The following DYM variants were observed in gnomAD, a reference collection of about 807,000 sequenced individuals.
DYM encodes the protein dyggve-Melchior-Clausen syndrome protein.
Under a neutral mutation model 93.1 loss-of-function variants are expected in DYM, and 78 were observed. The ratio of observed to expected loss-of-function variants is 0.84; its 90% confidence interval spans 0.70 to 1.01. DYM has a LOEUF of 1.01. Ranked by LOEUF, DYM falls within the 50% of genes least tolerant of loss-of-function variation. The pLI is 0.00. For synonymous variants in DYM, 321 were observed against 319.7 expected (o/e 1.00, Z -0.04); for missense variants, 789 against 845.0 (o/e 0.93, Z 0.82).
chr18:49,318,958 G>T lies in DYM; in HGVS notation c.763+12906C>A, dbSNP rs190586803. Reference sequence around the variant, plus strand: ...TAGGATTACAGGCACCTGCCACCACGCCCAACTAATTTTTTTTTTTGTATT... The same window carrying T: ...TAGGATTACAGGCACCTGCCACCACTCCCAACTAATTTTTTTTTTTGTATT... On this transcript the variant is annotated intron_variant, in intron 8 of 17. Coordinates refer to ENST00000675505, the MANE Select transcript of DYM (RefSeq NM_001353214.3). Among the ~76,000 whole-genome samples, 13 of 151,080 alleles carry T rather than the reference G, an allele frequency of 8.6e-5. No individual in the cohort carries two copies. In the East Asian group the frequency reaches 2.6e-3, roughly 30 times the overall value.
chr18:49,336,320 T>C (rs2063673762), intron 6 of DYM, among the ~76,000 whole-genome samples: 1 of 152,156 alleles, frequency 6.6e-6, no homozygotes, highest in East Asian at 1.9e-4. Context: ...AGTGTTCTTC[T>C]CCTTCAAAAT....
chr18:49,221,109 A>G (rs572527441), intron 13 of DYM, among the ~76,000 whole-genome samples: 1 of 152,348 alleles, frequency 6.6e-6, no homozygotes, highest in Non-Finnish European at 1.5e-5. Context: ...ATGAACAGAC[A>G]CTTCTCAAAA....
At chr18:49,339,276 CAG>C (rs2063904889) in intron 6 of DYM, among the ~76,000 whole-genome samples, 1 of 152,218 alleles carries the variant, frequency 6.6e-6, no homozygotes, top group African/African-American at 2.4e-5. Flanking sequence ...GAAAAATCCA[CAG>C]AGATATGTCT....
chr18:49,284,645 G>A (rs995584358), intron 9 of DYM, among the ~76,000 whole-genome samples: 2 of 152,092 alleles, frequency 1.3e-5, no homozygotes, highest in Non-Finnish European at 2.9e-5. Context: ...TAAGCAAACT[G>A]TCAAAGGTCT....
chr18:49,123,776 G>C (rs2082577412), intron 15 of DYM, among the ~76,000 whole-genome samples: 1 of 152,174 alleles, frequency 6.6e-6, no homozygotes, highest in Non-Finnish European at 1.5e-5. Context: ...AGATAATCTT[G>C]ACCAGAAGTC....
At chr18:49,406,719 C>T (rs891061684) in intron 2 of DYM, among the ~76,000 whole-genome samples, 1 of 152,180 alleles carries the variant, frequency 6.6e-6, no homozygotes, top group Non-Finnish European at 1.5e-5. Flanking sequence ...GGCAGATAAA[C>T]TGGCTCTCTC....
intron 8 of DYM, among the ~76,000 whole-genome samples, chr18:49,323,002 C>T (rs548219251): frequency 6.6e-6 from 1 of 152,272 alleles, no homozygotes; most frequent in African/African-American, 2.4e-5. Flanking sequence ...CAAACATCTA[C>T]AGTCCAGTAC....
At chr18:49,217,131 A>G (rs1332409939) in intron 13 of DYM, among the ~76,000 whole-genome samples, 3 of 152,258 alleles carry the variant, frequency 2.0e-5, no homozygotes, top group African/African-American at 7.2e-5. Context: ...AGCCAATGCG[A>G]TCAACTGGAA....
intron 13 of DYM, among the ~76,000 whole-genome samples, chr18:49,243,471 C>G (rs2094083684): frequency 6.6e-6 from 1 of 151,940 alleles, no homozygotes; most frequent in African/African-American, 2.4e-5. Flanking sequence ...TCGAGACCAG[C>G]CTGGCCAACA....
In DYM at chr18:49,282,176, C is replaced by A. The variant is rs1218722133; in HGVS notation, c.947-1G>T. 1 of 1,613,458 alleles carries A rather than the reference C, an allele frequency of 6.2e-7. No homozygotes were observed. The highest frequency in any genetic ancestry group is 1.1e-5 in the South Asian group (1 of 91,062). ...ATTGATGAGGGGAAAGGACTGCTAT[C>A]TGGAATACAGAAAACAGCACATCAG... is the stretch of plus-strand genomic sequence containing the variant. On this transcript the variant is annotated splice_acceptor_variant, in intron 9 of 17. Transcript: ENST00000675505. LOFTEE classifies it high-confidence loss of function.
At chr18:49,264,036 C>T (rs1466040537) in intron 11 of DYM, among the ~76,000 whole-genome samples, 2 of 150,798 alleles carry the variant, frequency 1.3e-5, no homozygotes, top group African/African-American at 4.9e-5. Context: ...GAAGCCTCCT[C>T]ATTGTTCTAC....
In DYM at chr18:49,317,551, T is replaced by TTCTCTCTCTCTCTC. The variant is rs796373730; in HGVS notation, c.763+14299_763+14312dup. On this transcript the variant is annotated intron_variant, in intron 8 of 17. Transcript: ENST00000675505. ...TGCCCTAGTCCTTAGCCATCTAGAT[T>TTCTCTCTCTCTCTC]TCTCTCTCTCTCTCTCTCTCTCTCT... 4.1e-4 allele frequency among the ~76,000 whole-genome samples: 12 copies of TTCTCTCTCTCTCTC among 29,360 alleles called. 2 individuals carry two copies. The highest frequency in any genetic ancestry group is 7.1e-4 in the African/African-American group (5 of 7,072). The allele number at this position is 29,360 out of a possible 152,430, so 19.3% of individuals were successfully genotyped here.
intron 17 of DYM, among the ~76,000 whole-genome samples, chr18:49,082,195 G>A (rs544437349): frequency 8.5e-5 from 13 of 152,330 alleles, no homozygotes; most frequent in South Asian, 4.1e-4. Context: ...ACCATGCCAC[G>A]AACTACATGG....
At chr18:49,176,148 C>A (rs2089344552) in intron 14 of DYM, among the ~76,000 whole-genome samples, 1 of 151,870 alleles carries the variant, frequency 6.6e-6, no homozygotes, top group African/African-American at 2.4e-5. Flanking sequence ...TAACTAAAGT[C>A]AAAATGTGGA....
At chr18:49,138,923 C>A (rs115956992) in intron 15 of DYM, among the ~76,000 whole-genome samples, 175 of 152,086 alleles carry the variant, frequency 1.2e-3, no homozygotes, top group African/African-American at 4.0e-3. Flanking sequence ...AGGAGTAATA[C>A]CAGAAATAGG....
At chr18:49,327,301 G>C (rs2146721400) in intron 8 of DYM, among the ~76,000 whole-genome samples, 1 of 151,946 alleles carries the variant, frequency 6.6e-6, no homozygotes, top group East Asian at 1.9e-4. Flanking sequence ...AGGGGTTGTG[G>C]GTAGATGGGA....
At chr18:49,107,819 G>T (rs369448581) in intron 16 of DYM, among the ~76,000 whole-genome samples, 3 of 152,176 alleles carry the variant, frequency 2.0e-5, no homozygotes, top group Admixed American at 6.5e-5. Context: ...TGCCCCTACT[G>T]GGGGGTGCCT....
chr18:49,281,772 G>A (rs1037996024), intron 10 of DYM, among the ~76,000 whole-genome samples: 2 of 152,138 alleles, frequency 1.3e-5, no homozygotes, highest in Non-Finnish European at 2.9e-5. Flanking sequence ...ATGGACACAG[G>A]AAGGGGAACA....
intron 3 of DYM, among the ~76,000 whole-genome samples, chr18:49,385,378 G>T (rs745781882): frequency 1.2e-4 from 19 of 152,304 alleles, no homozygotes; most frequent in Non-Finnish European, 1.6e-4. Flanking sequence ...ACCAATGGAC[G>T]TCTTATTTAC....
Sources: gnomAD v4.1 joint callset for allele counts (sites outside exome capture counted in the v4.1 genomes callset) on GRCh38, gnomAD v4.1.1 for gene constraint, MANE v1.5 for transcripts, NCBI Gene and HGNC (gene_info 2026-07-23, HGNC 2026-07-21) for gene names.